Variants in NOL3 observed in about 807,000 individuals in gnomAD.
NOL3 encodes the protein muscle-enriched cytoplasmic protein.
A neutral mutation model predicts 19.2 loss-of-function variants in NOL3; 18 were observed. The observed-to-expected ratio is 0.94, with a 90% CI of 0.65 to 1.39. The LOEUF is 1.39. Ranked by LOEUF, NOL3 falls within the 40% of genes most tolerant of loss-of-function variation. The pLI is 0.00. For missense variants in NOL3, 290 were observed against 289.5 expected (o/e 1.00, Z -0.01); for synonymous variants, 127 against 137.3 (o/e 0.93, Z 0.52).
chr16:67,174,148 C>G lies in NOL3; in HGVS notation c.-8-14C>G. 4 of 1,605,128 alleles carry G rather than the reference C, an allele frequency of 2.5e-6. No homozygotes were observed. The highest frequency in any genetic ancestry group is 2.6e-6 in the Non-Finnish European group (3 of 1,175,018). ...GGCAACCCCCCATTACTTCTCTCCC[C>G]TTTCCCCATGCAGCCCCGACAATGG... is the stretch of plus-strand genomic sequence containing the variant. On this transcript the variant is annotated splice_polypyrimidine_tract_variant and intron_variant, in intron 1 of 3. Coordinates refer to ENST00000268605, the Ensembl canonical transcript of NOL3.
At chr16:67,174,693 C>T (rs1442078904) in exon 3 of NOL3, 1 of 1,600,660 alleles carries the variant, frequency 6.2e-7, no homozygotes, top group Non-Finnish European at 8.5e-7. Context: ...TCGGGGACCA[C>T]ATGCCCCGGG....
exon 3 of NOL3, chr16:67,174,681 G>A: frequency 1.3e-6 from 2 of 1,593,678 alleles, no homozygotes; most frequent in East Asian, 2.2e-5. Flanking sequence ...GAGGCACCCG[G>A]CTCGGGGACC....
At chr16:67,174,037 T>C (rs757083193) in intron 1 of NOL3, 125 bp from the exon 2 acceptor site, 3 of 1,553,330 alleles carry the variant, frequency 1.9e-6, no homozygotes, top group Non-Finnish European at 2.6e-6. Context: ...GTCCGGCGGC[T>C]GGGATCGAGG....
At chr16:67,175,175 T>G (rs1269571646) in exon 4 of NOL3, 1 of 1,575,486 alleles carries the variant, frequency 6.3e-7, no homozygotes, top group Admixed American at 1.8e-5. Flanking sequence ...GTGAATAAAC[T>G]CCGGAGGGTC....
rs769168213 is a variant in NOL3, at chr16:67,174,622, C to A, written c.297C>A (p.Gly99=). The A allele has an allele frequency of 1.2e-5, 19 of 1,529,578 alleles. No homozygotes were observed. In the South Asian group the frequency reaches 1.7e-4, roughly 14 times the overall value. 94.8% of individuals were successfully genotyped at this position (1,529,578 alleles called of 1,614,324 possible). Reference sequence around the variant, plus strand: ...CAGTCACTCCCACTTCCGCCCCAGGCTACCGGGACCGCAGCTATGACCCTC... The same window carrying A: ...CAGTCACTCCCACTTCCGCCCCAGGATACCGGGACCGCAGCTATGACCCTC... The change falls in exon 3 of 4, where the codon GGC becomes GGA. Residue 99 remains glycine, a splice_region_variant and synonymous_variant. Transcript: ENST00000268605.
chr16:67,175,416 G>C, exon 4 of NOL3: 1 of 1,060,280 alleles, frequency 9.4e-7, no homozygotes, highest in African/African-American at 1.7e-5. Context: ...CATTTCCCCT[G>C]GTGAGCCACT....
rs762033265 is a variant in NOL3 at position 67,174,600 on chromosome 16, T to TC, written c.296-20dup. 3,562 of 1,520,760 alleles carry TC rather than the reference T, an allele frequency of 2.3e-3. 7 individuals carry two copies. Among genetic ancestry groups the TC allele is most frequent in the Middle Eastern group, 0.013 (53 of 4,004 alleles). 94.2% of individuals were successfully genotyped at this position (1,520,760 alleles called of 1,614,324 possible). A position where few individuals can be genotyped will look rare whatever the true frequency, so the allele number is the denominator to read the frequency against. On this transcript the variant is annotated intron_variant, in intron 2 of 3. Coordinates refer to ENST00000268605, the Ensembl canonical transcript of NOL3. ...CGCACAGGGGTAAATTGAGCCTCAG[T>TC]CACTCCCACTTCCGCCCCAGGCTAC... is the stretch of plus-strand genomic sequence containing the variant.
chr16:67,175,052 T>C, exon 4 of NOL3: 1 of 1,614,252 alleles, frequency 6.2e-7, no homozygotes, highest in South Asian at 1.1e-5. Context: ...TCTAGATTCC[T>C]GAAGGCCAGA....
intron 1 of NOL3, chr16:67,171,247 A>G (rs1340840939): frequency 6.6e-6 from 1 of 152,272 alleles, no homozygotes; most frequent in African/African-American, 2.4e-5. Context: ...TACACAGTGC[A>G]ATGATGTCAG....
Position 67,173,071 on chromosome 16 carries a change from T to A in NOL3, c.-8-1091T>A. On this transcript the variant is annotated intron_variant, in intron 1 of 3. Transcript: ENST00000268605. ...CAAGATTGCGCCACTGCACTCCAGC[T>A]TGGGCAACAGCGAGACTCCATCTCA... 2.0e-5 allele frequency: 3 copies of A among 147,776 alleles called. No homozygotes were observed. The South Asian group carries it at 6.5e-4, about 32-fold the overall frequency. The allele number at this position is 147,776 out of a possible 1,614,324, so 9.2% of individuals were successfully genotyped here. A position where few individuals can be genotyped will look rare whatever the true frequency, so the allele number is the denominator to read the frequency against.
chr16:67,175,369 G>A (rs747372318), exon 4 of NOL3: 327 of 1,272,612 alleles, frequency 2.6e-4, no homozygotes, highest in Non-Finnish European at 3.1e-4. Context: ...CCCCCTAGTG[G>A]GACAAGGACC....
At chr16:67,173,654 G>A (rs906817467) in intron 1 of NOL3, 2 of 584,578 alleles carry the variant, frequency 3.4e-6, no homozygotes, top group African/African-American at 3.7e-5. Context: ...TGGTGAGGAT[G>A]GTGAGAGAAA....
intron 1 of NOL3, chr16:67,172,781 C>G (rs866677657): frequency 6.6e-6 from 1 of 151,212 alleles, no homozygotes; most frequent in Non-Finnish European, 1.5e-5. Flanking sequence ...GCCAGCAGTT[C>G]GAGACCAGCC....
At chr16:67,174,532 G>A in intron 2 of NOL3, 68 bp downstream of exon 2, 2 of 1,475,054 alleles carry the variant, frequency 1.4e-6, no homozygotes, top group Non-Finnish European at 1.8e-6. Context: ...GGCCCGGGGA[G>A]GGCAGGGTTG....
At chr16:67,174,588 A>C (rs1329040244) in intron 2 of NOL3, 33 bp from the exon 3 acceptor site, 2 of 1,517,534 alleles carry the variant, frequency 1.3e-6, no homozygotes, top group Non-Finnish European at 1.8e-6. Flanking sequence ...ACAGGGGTAA[A>C]TTGAGCCTCA....
intron 1 of NOL3, chr16:67,173,926 C>G: frequency 5.9e-6 from 9 of 1,536,224 alleles, no homozygotes; most frequent in Non-Finnish European, 7.0e-6. Context: ...CGCTTGGGGA[C>G]AGAAGGAGGA....
intron 1 of NOL3, chr16:67,173,955 A>T: frequency 6.5e-7 from 1 of 1,536,852 alleles, no homozygotes; most frequent in Non-Finnish European, 8.7e-7. Context: ...AGGAGACAGG[A>T]CAGAGCGTCT....
At chr16:67,175,452 A>C in exon 4 of NOL3, 6 of 647,286 alleles carry the variant, frequency 9.3e-6, no homozygotes, top group Non-Finnish European at 1.0e-5. Context: ...GTACCAGCTC[A>C]ACCCCACGCA....
At chr16:67,175,310 T>A in exon 4 of NOL3, 1 of 1,404,242 alleles carries the variant, frequency 7.1e-7, no homozygotes, top group Non-Finnish European at 9.2e-7. Flanking sequence ...TCCTCAGCCC[T>A]AATCTGCCCT....
Sources: allele counts gnomAD v4.1 joint callset, GRCh38; gene constraint gnomAD v4.1.1; transcripts MANE v1.5; gene names NCBI Gene and HGNC (gene_info 2026-07-23, HGNC 2026-07-21).